FIP1L1: variants seen among roughly 807,000 people sequenced by gnomAD.
FIP1L1 encodes the protein pre-mRNA 3'-end-processing factor FIP1.
A neutral mutation model predicts 84.6 loss-of-function variants in FIP1L1; 21 were observed. The ratio of observed to expected loss-of-function variants is 0.25; its 90% confidence interval spans 0.18 to 0.36. FIP1L1 has a LOEUF of 0.36. Ranked by LOEUF, FIP1L1 falls within the 10% of genes least tolerant of loss-of-function variation. The probability of loss-of-function intolerance (pLI) is 1.00; values close to 1 mark genes in which losing one functional copy is unlikely to be tolerated. For missense variants in FIP1L1, 526 were observed against 751.1 expected (o/e 0.70, Z 3.50); for synonymous variants, 263 against 242.3 (o/e 1.09, Z -0.80).
chr4:53,427,996 A>G (rs1280551320), intron 12 of FIP1L1, 31 bp from the exon 13 acceptor site: 3 of 1,494,002 alleles, frequency 2.0e-6, no homozygotes, highest in Non-Finnish European at 2.8e-6. Flanking sequence ...ATATTTATGC[A>G]TCTGTTTAAT....
Position 53,460,174 on chromosome 4 carries a change from G to GCCTT in FIP1L1, c.*727_*730dup, listed in dbSNP as rs1467747929. ...TGTGAGCCAGGGTCAAGCTGGTTTG[G>GCCTT]CCTTCTTGATGCATTTTCCAAGGCC... On this transcript the variant is annotated 3_prime_UTR_variant, in exon 18 of 18. Transcript: ENST00000337488. 5 of 197,776 alleles carry GCCTT rather than the reference G, an allele frequency of 2.5e-5. No individual in the cohort carries two copies. The Admixed American group carries it at 3.0e-4, about 12-fold the overall frequency. The allele number at this position is 197,776 out of a possible 1,614,324, so 12.3% of individuals were successfully genotyped here.
At chr4:53,385,039 C>G (rs1276989961) in intron 5 of FIP1L1, among the ~76,000 whole-genome samples, 1 of 152,032 alleles carries the variant, frequency 6.6e-6, no homozygotes, top group African/African-American at 2.4e-5. Flanking sequence ...ATTTTAAAAT[C>G]CTAGCACCTT....
chr4:53,377,678 T>G lies in FIP1L1; in HGVS notation c.-161T>G, dbSNP rs1735276763. On this transcript the variant is annotated 5_prime_UTR_variant, in exon 1 of 18. Coordinates refer to ENST00000337488, the MANE Select transcript of FIP1L1 (RefSeq NM_030917.4). Reference sequence around the variant, plus strand: ...ACGGACCTGCGCTGGAGGCTTCATCTTTGCCGCCGCTGCCGTCGCCTTCCT... The same window carrying G: ...ACGGACCTGCGCTGGAGGCTTCATCGTTGCCGCCGCTGCCGTCGCCTTCCT... The G allele has an allele frequency of 1.6e-6, 1 of 634,054 alleles. No homozygotes were observed. Among genetic ancestry groups the G allele is most frequent in the Non-Finnish European group, 2.6e-6 (1 of 387,572 alleles). 39.3% of individuals were successfully genotyped at this position (634,054 alleles called of 1,614,324 possible). A position where few individuals can be genotyped will look rare whatever the true frequency, so the allele number is the denominator to read the frequency against.
chr4:53,423,590 C>CT (rs1259653048), intron 11 of FIP1L1, among the ~76,000 whole-genome samples: 1 of 152,088 alleles, frequency 6.6e-6, no homozygotes, highest in Non-Finnish European at 1.5e-5. Flanking sequence ...GTGGTACATA[C>CT]TGTGTGTCTT....
At chr4:53,430,612 C>T (rs879456399) in intron 13 of FIP1L1, among the ~76,000 whole-genome samples, 2 of 152,122 alleles carry the variant, frequency 1.3e-5, no homozygotes, top group African/African-American at 2.4e-5. Flanking sequence ...ACTGGCATTA[C>T]AGGCATGAAC....
rs577524201 is a variant in FIP1L1 at position 53,386,105 on chromosome 4, GA to G, written c.332+2233del. Among the ~76,000 whole-genome samples, 33 of 150,124 alleles carry G rather than the reference GA, an allele frequency of 2.2e-4. No individual in the cohort carries two copies. The East Asian group carries it at 4.3e-3, about 20-fold the overall frequency. ...ATTTTATATGTAAGTAAGGTATGAA[GA>G]AAAGCAACTCTTAAAGTAGAAATAA... is the stretch of plus-strand genomic sequence containing the variant. On this transcript the variant is annotated intron_variant, in intron 5 of 17. Transcript: ENST00000337488.
chr4:53,380,868 C>T (rs1737482989), intron 3 of FIP1L1, among the ~76,000 whole-genome samples: 1 of 152,138 alleles, frequency 6.6e-6, no homozygotes, highest in African/African-American at 2.4e-5. Context: ...GTTTTACAAT[C>T]AAATATACTT....
At chr4:53,454,057 A>G (rs932825667) in intron 16 of FIP1L1, among the ~76,000 whole-genome samples, 1 of 152,170 alleles carries the variant, frequency 6.6e-6, no homozygotes, top group Non-Finnish European at 1.5e-5. Context: ...CAACACACTT[A>G]TGTGTTAAGT....
At chr4:53,455,785 C>T (rs970904933) in intron 16 of FIP1L1, among the ~76,000 whole-genome samples, 5 of 151,962 alleles carry the variant, frequency 3.3e-5, no homozygotes, top group Non-Finnish European at 2.9e-5. Context: ...TAGGACTGGT[C>T]GGTAGCTTAA....
intron 3 of FIP1L1, among the ~76,000 whole-genome samples, chr4:53,381,815 A>G (rs116150649): frequency 0.01 from 1,327 of 130,394 alleles, 19 homozygotes; most frequent in African/African-American, 0.038. Flanking sequence ...GCTAGAGTGC[A>G]GTGGCATGAT....
rs1029519191 is a variant in FIP1L1, at chr4:53,460,026, A to G, written c.*577A>G. 5.0e-6 allele frequency: 1 copy of G among 200,800 alleles called. No homozygotes were observed. Among genetic ancestry groups the G allele is most frequent in the African/African-American group, 2.4e-5 (1 of 41,638 alleles). 12.4% of individuals were successfully genotyped at this position (200,800 alleles called of 1,614,324 possible). ...TTTCATATCCAAATTAATAAAACCT[A>G]TAAGGCATCTGGGTGGCCTCTATGA... On this transcript the variant is annotated 3_prime_UTR_variant, in exon 18 of 18. Coordinates refer to ENST00000337488, the MANE Select transcript of FIP1L1 (RefSeq NM_030917.4).
chr4:53,453,248 A>C (rs1717087685), intron 16 of FIP1L1, 115 bp downstream of exon 16: 1 of 1,162,116 alleles, frequency 8.6e-7, no homozygotes, highest in African/African-American at 1.5e-5. Flanking sequence ...CAGGGAGTAC[A>C]TAGGAAAGCC....
chr4:53,417,761 ACACTCTCTCTCTCTCTCTCTCTCTCTCT>A (rs1287192413), intron 11 of FIP1L1, among the ~76,000 whole-genome samples: 41 of 22,484 alleles, frequency 1.8e-3, no homozygotes, highest in Admixed American at 4.9e-3. Flanking sequence ...ACACACACAC[ACACTCTCTCTCTCTCTCTCTCTCTCTCT>A]CTCTCTCTCT....
intron 7 of FIP1L1, 109 bp downstream of exon 7, chr4:53,390,737 G>A (rs1743825269): frequency 5.6e-6 from 4 of 717,320 alleles, no homozygotes; most frequent in South Asian, 4.5e-5. Flanking sequence ...AATTTTAATT[G>A]TCTTAAGCAA....
At position 53,379,068 on chromosome 4, in the gene FIP1L1, T is replaced by C. The variant is rs1367125693; in HGVS notation, c.86-5T>C. On this transcript the variant is annotated splice_region_variant and splice_polypyrimidine_tract_variant and intron_variant, in intron 1 of 17. Coordinates refer to ENST00000337488, the MANE Select transcript of FIP1L1 (RefSeq NM_030917.4). ...AAGGTGATCTAACTTTGGATGTGCT[T>C]ATAGGCCCATGGGACGTGCATGTGC... The C allele has an allele frequency of 2.5e-6, 4 of 1,613,560 alleles. No homozygotes were observed. The highest frequency in any genetic ancestry group is 3.4e-6 in the Non-Finnish European group (4 of 1,179,910).
At chr4:53,391,817 C>T (rs575362084) in intron 9 of FIP1L1, among the ~76,000 whole-genome samples, 26 of 152,206 alleles carry the variant, frequency 1.7e-4, no homozygotes, top group African/African-American at 6.0e-4. Flanking sequence ...GTAGATAATA[C>T]TCTAATCTTT....
intron 3 of FIP1L1, among the ~76,000 whole-genome samples, chr4:53,380,887 GATA>G (rs1260737684): frequency 2.6e-4 from 39 of 152,184 alleles, no homozygotes; most frequent in South Asian, 4.1e-4. Context: ...TTTTCTATAT[GATA>G]ATCTTTATCC....
Position 53,383,787 on chromosome 4 carries a change from C to T in FIP1L1, c.243C>T (p.Thr81=), listed in dbSNP as rs749315906. 6.8e-6 allele frequency: 11 copies of T among 1,609,090 alleles called. No individual in the cohort carries two copies. Among genetic ancestry groups the T allele is most frequent in the Admixed American group, 1.7e-5 (1 of 59,802 alleles). Residue 81 remains threonine, a synonymous_variant, in exon 5 of 18, where the codon ACC becomes ACT. Coordinates refer to ENST00000337488, the MANE Select transcript of FIP1L1 (RefSeq NM_030917.4). ...TGTTCATGTAGAAAGTGACTGAGAC[C>T]GAAGATGATAGTGATAGTGACAGCG... ...NGVPKPKVTE[T]EDDSDSDSDD...
chr4:53,442,588 T>A (rs1341417742), intron 13 of FIP1L1, 65 bp from the exon 14 acceptor site: 1 of 1,120,114 alleles, frequency 8.9e-7, no homozygotes, highest in Non-Finnish European at 1.4e-6. Flanking sequence ...TGCAGCAACT[T>A]TGTTTCACTC....
Sources: gnomAD v4.1 joint callset for allele counts (sites outside exome capture counted in the v4.1 genomes callset) on GRCh38, gnomAD v4.1.1 for gene constraint, MANE v1.5 for transcripts, NCBI Gene and HGNC (gene_info 2026-07-23, HGNC 2026-07-21) for gene names.